Variants in MYO1E observed in about 807,000 individuals in gnomAD.
MYO1E encodes unconventional myosin-Ie.
A neutral mutation model predicts 151.1 loss-of-function variants in MYO1E; 68 were observed. The observed-to-expected ratio is 0.45, with a 90% CI of 0.37 to 0.55. The LOEUF is 0.55. Ranked by LOEUF, MYO1E falls within the 20% of genes least tolerant of loss-of-function variation. MYO1E has a pLI of 0.00. For synonymous variants in MYO1E, 601 were observed against 501.7 expected (o/e 1.20, Z -2.64); for missense variants, 1,363 against 1,389.3 (o/e 0.98, Z 0.30).
At chr15:59,251,571 G>A (rs1342505502) in intron 4 of MYO1E, among the ~76,000 whole-genome samples, 12 of 152,150 alleles carry the variant, frequency 7.9e-5, no homozygotes, top group Admixed American at 2.6e-4. Flanking sequence ...TTATGATAAT[G>A]GTCTTCGGAT....
intron 21 of MYO1E, among the ~76,000 whole-genome samples, chr15:59,172,556 T>A (rs2079601911): frequency 1.3e-5 from 2 of 152,178 alleles, no homozygotes; most frequent in African/African-American, 4.8e-5. Context: ...TAAAAAATGA[T>A]GACATTTGAC....
At chr15:59,299,392 G>A (rs1317144615) in intron 1 of MYO1E, among the ~76,000 whole-genome samples, 6 of 152,114 alleles carry the variant, frequency 3.9e-5, no homozygotes, top group Admixed American at 6.5e-5. Flanking sequence ...CACTCTTGTG[G>A]TTTTCTTTCC....
chr15:59,149,263 A>C (rs141209504), intron 26 of MYO1E, among the ~76,000 whole-genome samples: 1 of 151,884 alleles, frequency 6.6e-6, no homozygotes, highest in Non-Finnish European at 1.5e-5. Flanking sequence ...TCACCGTGTT[A>C]ATCAGGATGG....
chr15:59,167,827 C>T (rs942480870), intron 22 of MYO1E, among the ~76,000 whole-genome samples: 1 of 152,140 alleles, frequency 6.6e-6, no homozygotes, highest in Admixed American at 6.5e-5. Context: ...CAGGCACACA[C>T]CACCATGCTC....
chr15:59,161,179 G>GC lies in MYO1E; in HGVS notation c.2678dup (p.Ser894LeufsTer20), dbSNP rs1326154323. On this transcript the variant is annotated frameshift_variant, in exon 24 of 28. Coordinates refer to ENST00000288235, the MANE Select transcript of MYO1E (RefSeq NM_004998.4). LOFTEE classifies it high-confidence loss of function. Reference sequence around the variant, plus strand: ...CTTGGTGGAACTGCACTTGCCGGGAGCCCCCTGCACTCCAGGGGCCCCAGT... The same window carrying GC: ...CTTGGTGGAACTGCACTTGCCGGGAGCCCCCCTGCACTCCAGGGGCCCCAGT... 1 of 1,614,048 alleles carries GC rather than the reference G, an allele frequency of 6.2e-7. No individual in the cohort carries two copies. Among genetic ancestry groups the GC allele is most frequent in the Non-Finnish European group, 8.5e-7 (1 of 1,179,984 alleles).
intron 1 of MYO1E, among the ~76,000 whole-genome samples, chr15:59,291,153 GA>G (rs1390098269): frequency 6.6e-6 from 1 of 152,200 alleles, no homozygotes; most frequent in Non-Finnish European, 1.5e-5. Context: ...CAAAAATGCT[GA>G]AAGGATTTGT....
intron 1 of MYO1E, among the ~76,000 whole-genome samples, chr15:59,303,883 T>C (rs2080498482): frequency 1.3e-5 from 2 of 152,148 alleles, no homozygotes; most frequent in African/African-American, 4.8e-5. Context: ...GCCCGTTTCC[T>C]GGATATATGG....
intron 7 of MYO1E, among the ~76,000 whole-genome samples, chr15:59,225,791 C>A (rs924712512): frequency 6.6e-6 from 1 of 151,964 alleles, no homozygotes; most frequent in Non-Finnish European, 1.5e-5. Flanking sequence ...GGACTACAGG[C>A]GCCCACCACC....
At chr15:59,233,942 T>G (rs1215755091) in intron 5 of MYO1E, among the ~76,000 whole-genome samples, 1 of 152,080 alleles carries the variant, frequency 6.6e-6, no homozygotes, top group African/African-American at 2.4e-5. Context: ...AATAAAATCT[T>G]TTTTTACATA....
chr15:59,143,877 T>C (rs957485448), intron 26 of MYO1E, among the ~76,000 whole-genome samples: 2 of 152,214 alleles, frequency 1.3e-5, no homozygotes, highest in Admixed American at 6.5e-5. Context: ...TCGGATCTCA[T>C]TTCCATCACT....
At chr15:59,313,669 G>A (rs1308771560) in intron 1 of MYO1E, among the ~76,000 whole-genome samples, 1 of 152,148 alleles carries the variant, frequency 6.6e-6, no homozygotes, top group African/African-American at 2.4e-5. Flanking sequence ...CCAAATGAAG[G>A]CTGGATTTAT....
intron 1 of MYO1E, among the ~76,000 whole-genome samples, chr15:59,285,884 G>A (rs2080385007): frequency 6.6e-6 from 1 of 152,200 alleles, no homozygotes; most frequent in Non-Finnish European, 1.5e-5. Flanking sequence ...AGATTCATAA[G>A]TCAAAAATCC....
rs71119447 is a variant in MYO1E, at chr15:59,248,486, C to CAAAA, written c.332+7794_332+7797dup. Among the ~76,000 whole-genome samples, 387 of 56,938 alleles carry CAAAA rather than the reference C, an allele frequency of 6.8e-3. 24 individuals carry two copies. The highest frequency in any genetic ancestry group is 0.027 in the African/African-American group (354 of 13,212). The allele number at this position is 56,938 out of a possible 152,430, so 37.4% of individuals were successfully genotyped here. A position where few individuals can be genotyped will look rare whatever the true frequency, so the allele number is the denominator to read the frequency against. On this transcript the variant is annotated intron_variant, in intron 4 of 27. Coordinates refer to ENST00000288235, the MANE Select transcript of MYO1E (RefSeq NM_004998.4). ...TGAACGACAGGGTGAGACTCCATCT[C>CAAAA]AAAAAAAAAAAAAAAAAAAAAAAAG...
intron 4 of MYO1E, among the ~76,000 whole-genome samples, chr15:59,243,928 A>T (rs2080114743): frequency 6.6e-6 from 1 of 151,962 alleles, no homozygotes; most frequent in South Asian, 2.1e-4. Context: ...TCTGGAACAG[A>T]AACAAGTCGG....
chr15:59,295,789 G>C (rs1390202222), intron 1 of MYO1E, among the ~76,000 whole-genome samples: 1 of 152,182 alleles, frequency 6.6e-6, no homozygotes, highest in Non-Finnish European at 1.5e-5. Flanking sequence ...AGGAGTGGAA[G>C]AGACGGGGAA....
At chr15:59,206,337 G>C (rs2079833626) in intron 14 of MYO1E, among the ~76,000 whole-genome samples, 1 of 152,160 alleles carries the variant, frequency 6.6e-6, no homozygotes, top group African/African-American at 2.4e-5. Flanking sequence ...TTTAGTGCTG[G>C]AGTGACTCCC....
intron 14 of MYO1E, chr15:59,207,108 G>A (rs2079841444): frequency 1.2e-6 from 2 of 1,614,102 alleles, no homozygotes; most frequent in Admixed American, 1.7e-5. Context: ...TGAAGAGTGA[G>A]CTTATTGAGC....
chr15:59,291,438 G>A (rs1384691257), intron 1 of MYO1E, among the ~76,000 whole-genome samples: 1 of 152,166 alleles, frequency 6.6e-6, no homozygotes, highest in Admixed American at 6.5e-5. Flanking sequence ...GGAGGCTGGT[G>A]TGTTTAAGAT....
At chr15:59,250,673 G>T (rs1052603395) in intron 4 of MYO1E, among the ~76,000 whole-genome samples, 1 of 152,148 alleles carries the variant, frequency 6.6e-6, no homozygotes, top group Non-Finnish European at 1.5e-5. Flanking sequence ...GGTGGCCTGG[G>T]GAGCCCTGAA....
Sources: gnomAD v4.1 joint callset for allele counts (sites outside exome capture counted in the v4.1 genomes callset) on GRCh38, gnomAD v4.1.1 for gene constraint, MANE v1.5 for transcripts, NCBI Gene and HGNC (gene_info 2026-07-23, HGNC 2026-07-21) for gene names.